Variants in NBEA observed in about 807,000 individuals in gnomAD.
NBEA encodes the protein lysosomal-trafficking regulator 2.
Under a neutral mutation model 343.4 loss-of-function variants are expected in NBEA, and 44 were observed. That is an observed-to-expected ratio of 0.13 (90% CI 0.10 to 0.16). The LOEUF is 0.16. NBEA is among the 10% of genes least tolerant of loss of function. The pLI, the probability that NBEA is intolerant of heterozygous loss-of-function variation, is 1.00. For missense variants in NBEA, 2,555 were observed against 3,631.3 expected (o/e 0.70, Z 7.62); for synonymous variants, 1,175 against 1,238.7 (o/e 0.95, Z 1.08).
intron 41 of NBEA, among the ~76,000 whole-genome samples, chr13:35,479,232 G>A (rs2076019272): frequency 6.6e-6 from 1 of 152,198 alleles, no homozygotes; most frequent in South Asian, 2.1e-4. Context: ...CACACAAGGA[G>A]CTGAAGGTGA....
At chr13:35,403,700 G>T (rs1425150512) in intron 38 of NBEA, among the ~76,000 whole-genome samples, 1 of 151,868 alleles carries the variant, frequency 6.6e-6, no homozygotes, top group Non-Finnish European at 1.5e-5. Flanking sequence ...CATGGGCAAG[G>T]ACTTCATGTC....
chr13:35,557,130 A>T (rs1246328581), intron 44 of NBEA, among the ~76,000 whole-genome samples: 1 of 152,110 alleles, frequency 6.6e-6, no homozygotes, highest in East Asian at 1.9e-4. Flanking sequence ...CCAATGTAGC[A>T]GGCATTCATA....
chr13:35,209,146 T>C (rs188293221), intron 32 of NBEA, among the ~76,000 whole-genome samples: 2 of 152,094 alleles, frequency 1.3e-5, no homozygotes, highest in African/African-American at 4.8e-5. Flanking sequence ...AAGCAAAGGA[T>C]AATTTGAACA....
At chr13:35,412,243 T>C (rs2152917705) in intron 38 of NBEA, among the ~76,000 whole-genome samples, 1 of 152,312 alleles carries the variant, frequency 6.6e-6, no homozygotes, top group Admixed American at 6.5e-5. Context: ...AGCATTGCGG[T>C]ACTATATATC....
At chr13:35,298,207 GTGTGTATATATATATA>G (rs1181819753) in intron 35 of NBEA, among the ~76,000 whole-genome samples, 458 of 16,140 alleles carry the variant, frequency 0.028, 3 homozygotes, top group Middle Eastern at 0.077. Flanking sequence ...GTGTGTGTGT[GTGTGTATATATATATA>G]TATATATATA....
intron 10 of NBEA, among the ~76,000 whole-genome samples, chr13:35,083,653 C>T (rs912054697): frequency 6.6e-6 from 1 of 152,270 alleles, no homozygotes; most frequent in African/African-American, 2.4e-5. Context: ...ACTGCAAAAA[C>T]ATGCCAAATT....
intron 36 of NBEA, among the ~76,000 whole-genome samples, chr13:35,343,088 A>G (rs1283095062): frequency 6.6e-6 from 1 of 152,096 alleles, no homozygotes; most frequent in Non-Finnish European, 1.5e-5. Flanking sequence ...TAATCAAAAA[A>G]CTAAGCTGAC....
intron 17 of NBEA, among the ~76,000 whole-genome samples, chr13:35,131,982 G>A (rs770287057): frequency 1.3e-5 from 2 of 152,162 alleles, no homozygotes; most frequent in Admixed American, 1.3e-4. Flanking sequence ...CAAAACCACA[G>A]CATAGACTAC....
intron 36 of NBEA, among the ~76,000 whole-genome samples, chr13:35,318,164 T>A (rs760615721): frequency 3.9e-5 from 6 of 152,160 alleles, no homozygotes; most frequent in South Asian, 4.1e-4. Flanking sequence ...AGAGAGGGCA[T>A]CCTTGTCTTG....
At chr13:35,288,484 C>A (rs1464957365) in intron 34 of NBEA, among the ~76,000 whole-genome samples, 1 of 151,896 alleles carries the variant, frequency 6.6e-6, no homozygotes, top group African/African-American at 2.4e-5. Context: ...ACTGAGAGCA[C>A]TGTTTGCAAA....
intron 1 of NBEA, among the ~76,000 whole-genome samples, chr13:35,007,302 T>C (rs529325876): frequency 6.6e-6 from 1 of 152,316 alleles, no homozygotes; most frequent in South Asian, 2.1e-4. Flanking sequence ...TTTATCCTTA[T>C]GTCCTTACTA....
intron 47 of NBEA, among the ~76,000 whole-genome samples, chr13:35,599,774 TG>T (rs1392493780): frequency 4.6e-5 from 7 of 152,242 alleles, no homozygotes; most frequent in African/African-American, 1.7e-4. Flanking sequence ...ATGGGAGGAC[TG>T]TTATAGCCAT....
At position 35,374,794 on chromosome 13, in the gene NBEA, T is replaced by C. The variant is rs1364124405; in HGVS notation, c.6179+22471T>C. 2.0e-5 allele frequency among the ~76,000 whole-genome samples: 3 copies of C among 152,156 alleles called. No individual in the cohort carries two copies. In the East Asian group the frequency reaches 5.8e-4, roughly 29 times the overall value. ...CAAACTAATAAAATTTACACAAGTTTAAAAGTATCTTTACTGTTCTGATTT... is the reference window on the plus strand; with the variant it reads ...CAAACTAATAAAATTTACACAAGTTCAAAAGTATCTTTACTGTTCTGATTT... On this transcript the variant is annotated intron_variant, in intron 38 of 58. Coordinates refer to ENST00000379939, the MANE Select transcript of NBEA (RefSeq NM_001385012.1).
chr13:35,593,287 G>C, intron 46 of NBEA, 41 bp from the exon 47 acceptor site: 1 of 1,608,264 alleles, frequency 6.2e-7, no homozygotes. Flanking sequence ...GGGCAGCTGT[G>C]TTTAGAGTGG....
chr13:35,427,241 G>GT (rs1311276163), intron 38 of NBEA, among the ~76,000 whole-genome samples: 1 of 152,090 alleles, frequency 6.6e-6, no homozygotes, highest in Non-Finnish European at 1.5e-5. Flanking sequence ...TTTCTGCTCT[G>GT]TTTTTTCCCC....
intron 44 of NBEA, among the ~76,000 whole-genome samples, chr13:35,555,345 C>T (rs537485409): frequency 6.6e-6 from 1 of 152,160 alleles, no homozygotes; most frequent in East Asian, 1.9e-4. Context: ...ACAGCTTTGT[C>T]TGAAGGTTTA....
At chr13:35,237,974 A>G (rs553880062) in intron 34 of NBEA, among the ~76,000 whole-genome samples, 4 of 152,222 alleles carry the variant, frequency 2.6e-5, no homozygotes, top group Non-Finnish European at 5.9e-5. Context: ...ATTCATTAAC[A>G]GTAGCTATTT....
chr13:35,559,510 A>G (rs9600952), intron 44 of NBEA, among the ~76,000 whole-genome samples: 3,999 of 152,284 alleles, frequency 0.026, 176 homozygotes, highest in African/African-American at 0.091. Context: ...TCTAAAGCCA[A>G]GACATGGTTG....
intron 1 of NBEA, among the ~76,000 whole-genome samples, chr13:34,959,564 C>G (rs2059596944): frequency 6.6e-6 from 1 of 152,104 alleles, no homozygotes; most frequent in African/African-American, 2.4e-5. Flanking sequence ...TTTAGGGTGA[C>G]TGACATACTT....
Sources: gnomAD v4.1 joint callset for allele counts (sites outside exome capture counted in the v4.1 genomes callset) on GRCh38, gnomAD v4.1.1 for gene constraint, MANE v1.5 for transcripts, NCBI Gene and HGNC (gene_info 2026-07-23, HGNC 2026-07-21) for gene names.